Variants in KCNS3 observed in about 807,000 individuals in gnomAD.
KCNS3 encodes the protein delayed-rectifier potassium channel regulatory subunit KCNS3.
In KCNS3, 13 loss-of-function variants were observed where a neutral mutation model predicts 31.0. The observed-to-expected ratio is 0.42, with a 90% CI of 0.27 to 0.67. The LOEUF is 0.67. Ranked by LOEUF, KCNS3 falls within the 30% of genes least tolerant of loss-of-function variation. The pLI is 0.25. For synonymous variants in KCNS3, 238 were observed against 241.5 expected (o/e 0.99, Z 0.13); for missense variants, 545 against 622.4 (o/e 0.88, Z 1.32).
At chr2:17,900,568 C>A (rs1662150827) in intron 1 of KCNS3, among the ~76,000 whole-genome samples, 1 of 152,106 alleles carries the variant, frequency 6.6e-6, no homozygotes, top group Non-Finnish European at 1.5e-5. Context: ...TGGCTCACTG[C>A]AACCTCTGCC....
intron 2 of KCNS3, among the ~76,000 whole-genome samples, chr2:17,924,042 A>G (rs986447044): frequency 1.3e-5 from 2 of 151,966 alleles, no homozygotes; most frequent in African/African-American, 4.8e-5. Context: ...TTTTTTCAAC[A>G]ACATTGTGTA....
At chr2:17,921,506 A>G (rs2125250758) in intron 2 of KCNS3, among the ~76,000 whole-genome samples, 1 of 152,276 alleles carries the variant, frequency 6.6e-6, no homozygotes, top group South Asian at 2.1e-4. Context: ...TTTTTGTACT[A>G]GTTCATTCTC....
chr2:17,884,256 TAAAAAAAA>T (rs34385647), intron 1 of KCNS3, among the ~76,000 whole-genome samples: 3,964 of 86,242 alleles, frequency 0.046, 179 homozygotes, highest in South Asian at 0.071. Context: ...AAAGTATAAT[TAAAAAAAA>T]AAAAATATAT....
chr2:17,877,948 T>C (rs1368115445), upstream of KCNS3: 1 of 152,264 alleles, frequency 6.6e-6, no homozygotes. Context: ...CCTGACTTCC[T>C]CTTCCATTCG....
chr2:17,927,877 C>G lies in KCNS3; in HGVS notation c.-59-3073C>G, dbSNP rs139565693. ...TGCCTATGGCCTGGAAGCCCCCCAC[C>G]TCAGCTGCCAGTTTTCTGGGCTTTC... is the stretch of plus-strand genomic sequence containing the variant. On this transcript the variant is annotated intron_variant, in intron 2 of 2. Coordinates refer to ENST00000304101, the MANE Select transcript of KCNS3 (RefSeq NM_002252.5). Among the ~76,000 whole-genome samples, 428 of 152,336 alleles carry G rather than the reference C, an allele frequency of 2.8e-3. 2 individuals are homozygous for G. The highest frequency in any genetic ancestry group is 5.8e-3 in the Admixed American group (88 of 15,300).
chr2:17,931,838 AAG>A lies in KCNS3; in HGVS notation c.835_836del (p.Ser279Ter). 1 of 1,614,114 alleles carries A rather than the reference AAG, an allele frequency of 6.2e-7. No individual in the cohort carries two copies. Among genetic ancestry groups the A allele is most frequent in the Non-Finnish European group, 8.5e-7 (1 of 1,180,022 alleles). ...ACGTTGGCTGTAGACACCAAGGAGG[AAG>A]AGAGTGAGGATATTGAGAACATGGG... is the stretch of plus-strand genomic sequence containing the variant. On this transcript the variant is annotated frameshift_variant, in exon 3 of 3. Coordinates refer to ENST00000304101, the MANE Select transcript of KCNS3 (RefSeq NM_002252.5). LOFTEE classifies it high-confidence loss of function. The surrounding 1 kb of genome is among the most constrained non-coding windows in gnomAD (Gnocchi z 5.4).
rs1039262906 is a variant in KCNS3, at chr2:17,901,042, C to A, written c.-251-16638C>A. Among the ~76,000 whole-genome samples, 45 of 152,216 alleles carry A rather than the reference C, an allele frequency of 3.0e-4. 1 individual carries two copies. Among genetic ancestry groups the A allele is most frequent in the African/African-American group, 1.1e-3 (44 of 41,524 alleles). The stretch of plus-strand genomic sequence containing the variant: ...GCTCAAAGAACCTAAATGACTGACC[C>A]AAGGTCACACAGCTAGTGAGTGCCG... On this transcript the variant is annotated intron_variant, in intron 1 of 2. Coordinates refer to ENST00000304101, the MANE Select transcript of KCNS3 (RefSeq NM_002252.5).
chr2:17,881,768 G>T (rs6531064), intron 1 of KCNS3, among the ~76,000 whole-genome samples: 49,896 of 151,988 alleles, frequency 0.33, 8,848 homozygotes, highest in East Asian at 0.57. Context: ...TGGGATCTCG[G>T]ACTACATTTG....
chr2:17,889,446 T>C (rs1462382072), intron 1 of KCNS3, among the ~76,000 whole-genome samples: 2 of 152,168 alleles, frequency 1.3e-5, no homozygotes, highest in Non-Finnish European at 2.9e-5. Context: ...TTGCTCTGGC[T>C]AGGACTTCCA....
At chr2:17,921,587 C>T (rs1316726588) in intron 2 of KCNS3, among the ~76,000 whole-genome samples, 4 of 151,358 alleles carry the variant, frequency 2.6e-5, no homozygotes, top group Admixed American at 1.3e-4. Flanking sequence ...TTAAGAGTTC[C>T]GCATGGCTGG....
In KCNS3 at chr2:17,911,813, G is replaced by A. The variant is rs575971897; in HGVS notation, c.-251-5867G>A. On this transcript the variant is annotated intron_variant, in intron 1 of 2. Coordinates refer to ENST00000304101, the MANE Select transcript of KCNS3 (RefSeq NM_002252.5). ...TTATTGTTTGGATTCGAATCATGGA[G>A]TTGTCACTTAATAGCTGTTGACTCC... Among the ~76,000 whole-genome samples, 3 of 152,328 alleles carry A rather than the reference G, an allele frequency of 2.0e-5. No individual in the cohort carries two copies. In the East Asian group the frequency reaches 5.8e-4, roughly 29 times the overall value.
At chr2:17,929,506 T>C (rs1662909379) in intron 2 of KCNS3, among the ~76,000 whole-genome samples, 2 of 152,186 alleles carry the variant, frequency 1.3e-5, no homozygotes, top group South Asian at 4.1e-4. Flanking sequence ...ACCACCCCCA[T>C]GATCCAATCA....
At chr2:17,928,336 G>A (rs1329194261) in intron 2 of KCNS3, among the ~76,000 whole-genome samples, 2 of 152,064 alleles carry the variant, frequency 1.3e-5, no homozygotes, top group African/African-American at 2.4e-5. Flanking sequence ...GTGCGATCTC[G>A]GCTCACTGCA....
chr2:17,893,912 C>T (rs1309928009), intron 1 of KCNS3, among the ~76,000 whole-genome samples: 2 of 148,354 alleles, frequency 1.3e-5, no homozygotes, highest in Non-Finnish European at 1.5e-5. Context: ...CTAGTCCTTC[C>T]TCCCCTCTGC....
At chr2:17,878,590 C>G (rs1327933959), upstream of KCNS3, 7 of 148,240 alleles carry the variant, frequency 4.7e-5, no homozygotes, top group Admixed American at 2.7e-4. Flanking sequence ...GAGCGGCGGG[C>G]CCCGCCCCGT....
At chr2:17,900,716 CT>C (rs1201745656) in intron 1 of KCNS3, among the ~76,000 whole-genome samples, 4 of 152,070 alleles carry the variant, frequency 2.6e-5, no homozygotes, top group African/African-American at 9.7e-5. Flanking sequence ...TTTCGAACTC[CT>C]GACTTCAGGT....
rs1482850424 is a variant in KCNS3 at position 17,931,408 on chromosome 2, G to T, written c.400G>T (p.Asp134Tyr). 6.2e-7 allele frequency: 1 copy of T among 1,614,178 alleles called. No homozygotes were observed. The highest frequency in any genetic ancestry group is 8.5e-7 in the Non-Finnish European group (1 of 1,180,030). The change falls in exon 3 of 3, where the codon GAC (aspartate) becomes TAC (tyrosine). Residue 134 changes from aspartate (D) to tyrosine (Y), a missense_variant. Asp to Tyr is a radical substitution (Grantham distance 160, BLOSUM62 -3). Coordinates refer to ENST00000304101, the MANE Select transcript of KCNS3 (RefSeq NM_002252.5). The surrounding 1 kb of genome is among the most constrained non-coding windows in gnomAD (Gnocchi z 5.4). ...GGAGGAAAACCACGAGAAGGACTGGGACCAGAAAAGCCATGATGTGAGTAC... is the reference window on the plus strand; with the variant it reads ...GGAGGAAAACCACGAGAAGGACTGGTACCAGAAAAGCCATGATGTGAGTAC... ...RKEENHEKDWDQKSHDVSTDS... is the reference protein window; with the variant it reads ...RKEENHEKDWYQKSHDVSTDS...
intron 2 of KCNS3, among the ~76,000 whole-genome samples, chr2:17,923,429 A>G (rs1662767434): frequency 6.6e-6 from 1 of 152,074 alleles, no homozygotes. Flanking sequence ...TTTTCTTGAT[A>G]CTTGTCCTTT....
At chr2:17,911,120 G>A (rs192380183) in intron 1 of KCNS3, among the ~76,000 whole-genome samples, 12 of 152,136 alleles carry the variant, frequency 7.9e-5, no homozygotes, top group East Asian at 1.9e-4. Context: ...TCCTTATCTC[G>A]AGGGACTCTA....
Sources: gnomAD v4.1 joint callset for allele counts (sites outside exome capture counted in the v4.1 genomes callset) on GRCh38, gnomAD v4.1.1 for gene constraint, Gnocchi (gnomAD v3.1) non-coding constraint, MANE v1.5 for transcripts, NCBI Gene and HGNC (gene_info 2026-07-23, HGNC 2026-07-21) for gene names.